SPAG16: variants seen among roughly 807,000 people sequenced by gnomAD.
The protein encoded by SPAG16 is sperm associated antigen 16, also known as sperm-associated antigen 16 protein.
SPAG16 carries 86 observed loss-of-function variants against 80.4 expected under a neutral mutation model. The observed-to-expected ratio is 1.07, with a 90% CI of 0.90 to 1.28. The LOEUF is 1.28. Ranked by LOEUF, SPAG16 falls within the 50% of genes most tolerant of loss-of-function variation. The pLI is 0.00. For missense variants in SPAG16, 870 were observed against 765.3 expected, an observed-to-expected ratio of 1.14 and a Z score of -1.61; for synonymous variants, 294 against 265.9, an observed-to-expected ratio of 1.11 and a Z score of -1.03.
chr2:214,187,208 C>CCA (rs144461208), intron 15 of SPAG16, among the ~76,000 whole-genome samples: 7,702 of 150,870 alleles, frequency 0.051, 462 homozygotes, highest in East Asian at 0.18. Flanking sequence ...ATATATATCC[C>CCA]CACACACACA....
chr2:214,181,694 G>C (rs190171036), intron 15 of SPAG16, among the ~76,000 whole-genome samples: 1 of 151,826 alleles, frequency 6.6e-6, no homozygotes, highest in African/African-American at 2.4e-5. Context: ...AAAGAGTCTT[G>C]CAATTCTCTG....
intron 15 of SPAG16, among the ~76,000 whole-genome samples, chr2:214,269,630 A>G (rs1055731281): frequency 6.6e-6 from 1 of 152,132 alleles, no homozygotes; most frequent in African/African-American, 2.4e-5. Context: ...GTAATGCCAT[A>G]AGAATTATAT....
intron 13 of SPAG16, among the ~76,000 whole-genome samples, chr2:214,107,473 G>A (rs528952702): frequency 3.3e-5 from 5 of 152,170 alleles, no homozygotes; most frequent in East Asian, 3.9e-4. Flanking sequence ...AAGAATGCCC[G>A]TTGAACACTG....
intron 10 of SPAG16, among the ~76,000 whole-genome samples, chr2:213,560,306 T>C (rs1009931033): frequency 3.3e-5 from 5 of 152,074 alleles, no homozygotes; most frequent in African/African-American, 1.2e-4. Context: ...AGAAACTATG[T>C]TTAGAAAGTT....
intron 15 of SPAG16, among the ~76,000 whole-genome samples, chr2:214,381,667 A>G (rs558118905): frequency 6.6e-6 from 1 of 152,338 alleles, no homozygotes; most frequent in Non-Finnish European, 1.5e-5. Flanking sequence ...GAAGAGCAAC[A>G]TCACTATCTG....
intron 15 of SPAG16, among the ~76,000 whole-genome samples, chr2:214,288,323 T>C (rs766200808): frequency 1.3e-5 from 2 of 152,212 alleles, no homozygotes; most frequent in African/African-American, 4.8e-5. Flanking sequence ...TCCACTTATA[T>C]ATTAATGGAC....
At chr2:213,422,298 G>A (rs1035706286) in intron 9 of SPAG16, 2 of 701,996 alleles carry the variant, frequency 2.8e-6, no homozygotes, top group East Asian at 2.7e-5. Context: ...GCCCACAGCA[G>A]AAGTTGCTTG....
intron 10 of SPAG16, among the ~76,000 whole-genome samples, chr2:213,680,249 C>G (rs953972193): frequency 1.3e-5 from 2 of 152,050 alleles, no homozygotes; most frequent in African/African-American, 4.8e-5. Flanking sequence ...CACCTAGTCC[C>G]TTTGATAAGG....
At chr2:213,947,911 GT>G in intron 12 of SPAG16, among the ~76,000 whole-genome samples, 1 of 151,914 alleles carries the variant, frequency 6.6e-6, no homozygotes, top group East Asian at 1.9e-4. Flanking sequence ...TTTCAAAATT[GT>G]TTTGACTGTT....
At chr2:213,792,330 G>T (rs180776266) in intron 10 of SPAG16, among the ~76,000 whole-genome samples, 4 of 152,262 alleles carry the variant, frequency 2.6e-5, no homozygotes, top group African/African-American at 7.2e-5. Flanking sequence ...AGCAACAGTT[G>T]TGCCTCCCTC....
At chr2:214,284,375 G>A (rs1453544585) in intron 15 of SPAG16, among the ~76,000 whole-genome samples, 1 of 152,006 alleles carries the variant, frequency 6.6e-6, no homozygotes, top group African/African-American at 2.4e-5. Context: ...GAACATTGAG[G>A]TCTATACATA....
At chr2:213,467,535 C>A (rs755567492) in intron 9 of SPAG16, among the ~76,000 whole-genome samples, 4 of 152,088 alleles carry the variant, frequency 2.6e-5, no homozygotes, top group Non-Finnish European at 4.4e-5. Context: ...CTTGAGATGC[C>A]CCTCATAGGC....
intron 9 of SPAG16, among the ~76,000 whole-genome samples, chr2:213,436,103 G>A (rs1480413230): frequency 1.3e-5 from 2 of 152,186 alleles, no homozygotes; most frequent in African/African-American, 2.4e-5. Flanking sequence ...CATTGGGCTT[G>A]CAGTCAGAAG....
chr2:213,458,897 C>A (rs1390317039), intron 9 of SPAG16, among the ~76,000 whole-genome samples: 1 of 151,910 alleles, frequency 6.6e-6, no homozygotes, highest in Non-Finnish European at 1.5e-5. Context: ...ATATGTTTTT[C>A]TTTTTATTTA....
intron 10 of SPAG16, among the ~76,000 whole-genome samples, chr2:213,847,064 A>G (rs1190298787): frequency 1.3e-5 from 2 of 152,128 alleles, no homozygotes; most frequent in Non-Finnish European, 2.9e-5. Flanking sequence ...ACTCTTGCCA[A>G]CATTCCTTCA....
intron 10 of SPAG16, among the ~76,000 whole-genome samples, chr2:213,585,997 G>T (rs2060460059): frequency 6.6e-6 from 1 of 152,084 alleles, no homozygotes; most frequent in East Asian, 1.9e-4. Context: ...GATGTATACA[G>T]TGGTGATGAA....
intron 10 of SPAG16, among the ~76,000 whole-genome samples, chr2:213,818,879 C>T (rs1401412049): frequency 6.6e-6 from 1 of 152,122 alleles, no homozygotes; most frequent in Non-Finnish European, 1.5e-5. Context: ...TTCCCCTTTG[C>T]CTTCTGCCAT....
rs891330975 is a variant in SPAG16, at chr2:214,230,741, A to G, written c.1720+81475A>G. ...GAGGCACAAAGTACAGGCTAGTTCT[A>G]ATTTGGTGTCTGATAGCCAAGAGAG... On this transcript the variant is annotated intron_variant, in intron 15 of 15. Coordinates refer to ENST00000331683, the MANE Select transcript of SPAG16 (RefSeq NM_024532.5). 2.0e-5 allele frequency among the ~76,000 whole-genome samples: 3 copies of G among 151,922 alleles called. No homozygotes were observed. The Admixed American group carries it at 2.0e-4, about 10-fold the overall frequency.
chr2:213,852,784 T>C (rs1028692011), intron 10 of SPAG16, among the ~76,000 whole-genome samples: 5 of 152,178 alleles, frequency 3.3e-5, no homozygotes, highest in Non-Finnish European at 5.9e-5. Context: ...TGTGATCTGT[T>C]CTCCCCTACA....
Sources: allele counts gnomAD v4.1 joint callset (sites outside exome capture counted in the v4.1 genomes callset), GRCh38; gene constraint gnomAD v4.1.1; transcripts MANE v1.5; gene names NCBI Gene and HGNC (gene_info 2026-07-23, HGNC 2026-07-21).